Variants in MAN1A2 observed in about 807,000 individuals in gnomAD.
MAN1A2 encodes mannosidase alpha class 1A member 2.
Under a neutral mutation model 75.7 loss-of-function variants are expected in MAN1A2, and 26 were observed. That is an observed-to-expected ratio of 0.34 (90% CI 0.25 to 0.48). The LOEUF is 0.48. Ranked by LOEUF, MAN1A2 falls within the 20% of genes least tolerant of loss-of-function variation. The pLI, the probability that MAN1A2 is intolerant of heterozygous loss-of-function variation, is 0.99. For missense variants in MAN1A2, 562 were observed against 775.5 expected (o/e 0.72, Z 3.27); for synonymous variants, 247 against 264.6 (o/e 0.93, Z 0.65).
chr1:117,512,288 A>G (rs1651560470), intron 12 of MAN1A2, among the ~76,000 whole-genome samples: 1 of 152,142 alleles, frequency 6.6e-6, no homozygotes, highest in African/African-American at 2.4e-5. Flanking sequence ...CAGAAACAGT[A>G]CCAACTAATT....
At chr1:117,484,030 G>A (rs1405506780) in intron 8 of MAN1A2, among the ~76,000 whole-genome samples, 2 of 151,776 alleles carry the variant, frequency 1.3e-5, no homozygotes, top group Admixed American at 6.6e-5. Flanking sequence ...AACAACACAG[G>A]GGGGTTAGAG....
At chr1:117,436,943 C>A in intron 5 of MAN1A2, among the ~76,000 whole-genome samples, 1 of 152,268 alleles carries the variant, frequency 6.6e-6, no homozygotes, top group East Asian at 1.9e-4. Flanking sequence ...TCTTAGATTT[C>A]ATTATGAGTT....
intron 1 of MAN1A2, among the ~76,000 whole-genome samples, chr1:117,394,847 G>A (rs1653857163): frequency 6.6e-6 from 1 of 152,234 alleles, no homozygotes; most frequent in African/African-American, 2.4e-5. Context: ...GAAGGTTGAA[G>A]TGGAGGCAGT....
chr1:117,421,660 T>C (rs1648204086), intron 5 of MAN1A2, among the ~76,000 whole-genome samples: 1 of 151,968 alleles, frequency 6.6e-6, no homozygotes, highest in Non-Finnish European at 1.5e-5. Context: ...TTAAAGATGC[T>C]GGTATTTAAT....
chr1:117,385,542 G>T (rs1653495034), intron 1 of MAN1A2, among the ~76,000 whole-genome samples: 2 of 152,156 alleles, frequency 1.3e-5, no homozygotes, highest in South Asian at 4.1e-4. Context: ...CACGGATGTT[G>T]TGATGGATCA....
chr1:117,482,642 C>T (rs988853388), intron 8 of MAN1A2, among the ~76,000 whole-genome samples: 8 of 151,916 alleles, frequency 5.3e-5, no homozygotes, highest in Admixed American at 3.9e-4. Context: ...GGATATTAGC[C>T]GCTTGTCAGA....
intron 1 of MAN1A2, among the ~76,000 whole-genome samples, chr1:117,390,358 T>G (rs1032672874): frequency 6.9e-6 from 1 of 144,320 alleles, no homozygotes; most frequent in Admixed American, 7.0e-5. Flanking sequence ...ACTTGAGTAG[T>G]TTTTTTTTTT....
chr1:117,429,444 C>A lies in MAN1A2; in HGVS notation c.855+8795C>A, dbSNP rs1426995212. Among the ~76,000 whole-genome samples, 5 of 130,164 alleles carry A rather than the reference C, an allele frequency of 3.8e-5. No homozygotes were observed. The East Asian group carries it at 6.7e-4, about 17-fold the overall frequency. 85.4% of individuals were successfully genotyped at this position (130,164 alleles called of 152,430 possible). On this transcript the variant is annotated intron_variant, in intron 5 of 12. Transcript: ENST00000356554. The stretch of plus-strand genomic sequence containing the variant: ...GCCGGGCAGGGGGGCTGACCCCCCC[C>A]ACCTCCCTCCCGGAGGGGGCGGCTG...
intron 6 of MAN1A2, among the ~76,000 whole-genome samples, chr1:117,451,241 CAG>C (rs1455146785): frequency 2.0e-5 from 3 of 152,212 alleles, no homozygotes; most frequent in East Asian, 3.8e-4. Context: ...CAATGGATTT[CAG>C]ACTTGCATGG....
Position 117,384,794 on chromosome 1 carries a change from T to A in MAN1A2, c.302+16309T>A, listed in dbSNP as rs555303031. Among the ~76,000 whole-genome samples the A allele has an allele frequency of 2.0e-4, 30 of 152,314 alleles. No individual in the cohort carries two copies. The South Asian group carries it at 6.0e-3, about 30-fold the overall frequency. On this transcript the variant is annotated intron_variant, in intron 1 of 12. Transcript: ENST00000356554. ...AGTTTTTATATCTTCTAAATTGACT[T>A]CCATAAGTATTTTAGAATCAGGTTA...
At chr1:117,441,422 C>T (rs1270343806) in intron 5 of MAN1A2, among the ~76,000 whole-genome samples, 1 of 151,994 alleles carries the variant, frequency 6.6e-6, no homozygotes, top group Non-Finnish European at 1.5e-5. Context: ...AATTTGGAGA[C>T]CATTTGAGAG....
chr1:117,505,839 GAACCATATGAAATTACCCTTTTAA>G (rs1004918770), intron 12 of MAN1A2, among the ~76,000 whole-genome samples: 3 of 151,206 alleles, frequency 2.0e-5, no homozygotes, highest in African/African-American at 7.3e-5. Context: ...ACTATTAAGT[GAACCATATGAAATTACCCTTTTAA>G]AAAGGGTAAT....
At chr1:117,441,998 C>A (rs1044155836) in intron 5 of MAN1A2, among the ~76,000 whole-genome samples, 16 of 152,086 alleles carry the variant, frequency 1.1e-4, no homozygotes, top group African/African-American at 3.9e-4. Flanking sequence ...TATGTCCTTC[C>A]TTTTCAATTA....
intron 12 of MAN1A2, among the ~76,000 whole-genome samples, chr1:117,519,702 A>G (rs1159654809): frequency 6.6e-6 from 1 of 152,182 alleles, no homozygotes; most frequent in East Asian, 1.9e-4. Flanking sequence ...TTACCAACAA[A>G]AAAAAGCCCA....
At chr1:117,489,651 T>C (rs1435871910) in intron 8 of MAN1A2, among the ~76,000 whole-genome samples, 1 of 152,124 alleles carries the variant, frequency 6.6e-6, no homozygotes, top group Non-Finnish European at 1.5e-5. Context: ...CATTTTTCCT[T>C]TATGACTCCT....
At chr1:117,483,531 G>A (rs945281205) in intron 8 of MAN1A2, among the ~76,000 whole-genome samples, 1 of 151,824 alleles carries the variant, frequency 6.6e-6, no homozygotes, top group Non-Finnish European at 1.5e-5. Context: ...CATGATTTGG[G>A]TCTCAATTTG....
intron 8 of MAN1A2, among the ~76,000 whole-genome samples, chr1:117,478,952 T>C (rs769351199): frequency 3.3e-5 from 5 of 151,882 alleles, no homozygotes; most frequent in Non-Finnish European, 7.4e-5. Context: ...AATTCTGGGC[T>C]ACATGTGCAG....
intron 3 of MAN1A2, among the ~76,000 whole-genome samples, chr1:117,414,512 T>A (rs1647924030): frequency 1.3e-5 from 2 of 151,480 alleles, no homozygotes; most frequent in African/African-American, 4.8e-5. Context: ...TATTATCTAA[T>A]ATATACATAT....
At chr1:117,443,969 C>G (rs1384267018) in intron 6 of MAN1A2, among the ~76,000 whole-genome samples, 1 of 151,584 alleles carries the variant, frequency 6.6e-6, no homozygotes, top group Non-Finnish European at 1.5e-5. Flanking sequence ...CATAGGCCTT[C>G]CCTTAGTCTT....
Sources: gnomAD v4.1 joint callset for allele counts (sites outside exome capture counted in the v4.1 genomes callset) on GRCh38, gnomAD v4.1.1 for gene constraint, MANE v1.5 for transcripts, NCBI Gene and HGNC (gene_info 2026-07-23, HGNC 2026-07-21) for gene names.